Variants in HRH1 observed in about 807,000 individuals in gnomAD.
HRH1 encodes histamine H1 receptor.
Under a neutral mutation model 10.3 loss-of-function variants are expected in HRH1, and 6 were observed. The observed-to-expected ratio is 0.58, with a 90% confidence interval of 0.32 to 1.15. HRH1 has a LOEUF of 1.15. Among genes scored for constraint, HRH1 ranks in the 50% most tolerant of loss-of-function variants. HRH1 has a pLI of 0.05. For missense variants in HRH1, 514 were observed against 615.3 expected (o/e 0.84, Z 1.74); for synonymous variants, 242 against 236.7 (o/e 1.02, Z -0.21).
chr3:11,172,858 C>T (rs1458184822), intron 1 of HRH1, among the ~76,000 whole-genome samples: 2 of 152,028 alleles, frequency 1.3e-5, no homozygotes, highest in African/African-American at 4.8e-5. Context: ...CCCGCCTCCA[C>T]GCCCAGCTAA....
chr3:11,171,270 C>T (rs1360428939), intron 1 of HRH1, among the ~76,000 whole-genome samples: 1 of 152,104 alleles, frequency 6.6e-6, no homozygotes, highest in African/African-American at 2.4e-5. Flanking sequence ...GCATGCACCA[C>T]CACACCCGGC....
intron 1 of HRH1, among the ~76,000 whole-genome samples, chr3:11,230,556 G>A (rs1396656659): frequency 6.6e-6 from 1 of 152,186 alleles, no homozygotes; most frequent in African/African-American, 2.4e-5. Context: ...TGAGGTTCGT[G>A]GGCCAACAGC....
At chr3:11,171,055 T>C (rs1012053816) in intron 1 of HRH1, among the ~76,000 whole-genome samples, 2 of 152,004 alleles carry the variant, frequency 1.3e-5, no homozygotes, top group African/African-American at 2.4e-5. Context: ...TCAAAATGTG[T>C]CTGTTTAAGG....
At chr3:11,188,131 G>A (rs916632631) in intron 1 of HRH1, among the ~76,000 whole-genome samples, 2 of 152,162 alleles carry the variant, frequency 1.3e-5, no homozygotes, top group South Asian at 2.1e-4. Context: ...GTGAACTATC[G>A]TTGTTTAACT....
In HRH1 at chr3:11,262,495, G is replaced by T. The variant is rs201626645; in HGVS notation, c.*1994G>T. ...CTGCTTTGCATCCCCCAAACTTCTT[G>T]TTCAAAACGGGGGGAGTTTAGGAGA... On this transcript the variant is annotated 3_prime_UTR_variant, in exon 2 of 2. Transcript: ENST00000431010. 1.7e-4 allele frequency: 28 copies of T among 167,046 alleles called. 1 individual carries two copies. The highest frequency in any genetic ancestry group is 2.9e-4 in the Non-Finnish European group (20 of 68,116). The allele number at this position is 167,046 out of a possible 1,614,324, so 10.3% of individuals were successfully genotyped here.
At chr3:11,175,383 T>G (rs891227273) in intron 1 of HRH1, among the ~76,000 whole-genome samples, 2 of 152,198 alleles carry the variant, frequency 1.3e-5, no homozygotes, top group African/African-American at 4.8e-5. Flanking sequence ...CATTAGGCCA[T>G]CCTGCCTATA....
intron 1 of HRH1, among the ~76,000 whole-genome samples, chr3:11,180,589 G>T (rs115775321): frequency 3.4e-4 from 51 of 152,208 alleles, no homozygotes; most frequent in Admixed American, 5.9e-4. Flanking sequence ...CAGCCCAGGG[G>T]TTGGGTACCC....
intron 1 of HRH1, among the ~76,000 whole-genome samples, chr3:11,225,268 T>C (rs1938844527): frequency 6.6e-6 from 1 of 152,270 alleles, no homozygotes; most frequent in Admixed American, 6.5e-5. Context: ...CATTTCCTTT[T>C]CTTGCCTAAT....
chr3:11,228,130 T>C (rs896020465), intron 1 of HRH1, among the ~76,000 whole-genome samples: 3 of 152,230 alleles, frequency 2.0e-5, no homozygotes, highest in Non-Finnish European at 1.5e-5. Context: ...CATCTACTTA[T>C]TCATTCATCA....
chr3:11,214,620 C>A (rs1261449814), intron 1 of HRH1, among the ~76,000 whole-genome samples: 4 of 152,210 alleles, frequency 2.6e-5, no homozygotes, highest in Admixed American at 2.6e-4. Flanking sequence ...TTCATTCATT[C>A]ATTCAATGAA....
intron 1 of HRH1, among the ~76,000 whole-genome samples, chr3:11,230,466 G>A (rs184312218): frequency 4.6e-5 from 7 of 152,266 alleles, no homozygotes; most frequent in South Asian, 2.1e-4. Flanking sequence ...CCCAGTGTAC[G>A]ATATATTTCA....
At chr3:11,218,037 A>T (rs1410034383) in intron 1 of HRH1, among the ~76,000 whole-genome samples, 1 of 152,224 alleles carries the variant, frequency 6.6e-6, no homozygotes, top group African/African-American at 2.4e-5. Flanking sequence ...TCAAGGAAAA[A>T]GTATAAGGAA....
chr3:11,225,322 A>T (rs2125041890), intron 1 of HRH1, among the ~76,000 whole-genome samples: 1 of 152,304 alleles, frequency 6.6e-6, no homozygotes, highest in East Asian at 1.9e-4. Flanking sequence ...CAATGTGAGA[A>T]CCAGGCCTGG....
chr3:11,218,125 G>C (rs529430594), intron 1 of HRH1, among the ~76,000 whole-genome samples: 1 of 152,334 alleles, frequency 6.6e-6, no homozygotes, highest in East Asian at 1.9e-4. Context: ...CAAGAATGTA[G>C]TATCTAGGTA....
chr3:11,214,810 T>C (rs1317241501), intron 1 of HRH1, among the ~76,000 whole-genome samples: 1 of 152,220 alleles, frequency 6.6e-6, no homozygotes, highest in Non-Finnish European at 1.5e-5. Flanking sequence ...CCCAGTTGAT[T>C]TGTTGTGGCT....
At chr3:11,201,749 G>T (rs988296129) in intron 1 of HRH1, among the ~76,000 whole-genome samples, 1 of 152,210 alleles carries the variant, frequency 6.6e-6, no homozygotes, top group African/African-American at 2.4e-5. Flanking sequence ...GCCTGTCTGG[G>T]CCTTGCCAAG....
At chr3:11,234,126 A>T in intron 1 of HRH1, 1 of 622,984 alleles carries the variant, frequency 1.6e-6, no homozygotes, top group Middle Eastern at 4.1e-4. Context: ...TCATCAAAAT[A>T]AGTTATTTTG....
chr3:11,202,297 C>T (rs112690787), intron 1 of HRH1, among the ~76,000 whole-genome samples: 1 of 151,572 alleles, frequency 6.6e-6, no homozygotes, highest in Non-Finnish European at 1.5e-5. Flanking sequence ...CCCAGCTACT[C>T]GGGAGGCTGA....
At chr3:11,236,512 A>G (rs1939185610) in intron 1 of HRH1, among the ~76,000 whole-genome samples, 1 of 152,236 alleles carries the variant, frequency 6.6e-6, no homozygotes, top group Non-Finnish European at 1.5e-5. Context: ...TGAGAATAGG[A>G]ACTGTGTTCA....
Sources: gnomAD v4.1 joint callset for allele counts (sites outside exome capture counted in the v4.1 genomes callset) on GRCh38, gnomAD v4.1.1 for gene constraint, MANE v1.5 for transcripts, NCBI Gene and HGNC (gene_info 2026-07-23, HGNC 2026-07-21) for gene names.